The following HAUS8 variants were observed in gnomAD, a reference collection of about 807,000 sequenced individuals.
The protein encoded by HAUS8 is HAUS augmin-like complex subunit 8.
Under a neutral mutation model 42.9 loss-of-function variants are expected in HAUS8, and 38 were observed. The observed-to-expected ratio is 0.89, with a 90% CI of 0.68 to 1.16. The LOEUF (loss-of-function observed/expected upper bound fraction) is 1.16. Ranked by LOEUF, HAUS8 falls within the 50% of genes most tolerant of loss-of-function variation. The pLI is 0.00. For synonymous variants in HAUS8, 199 were observed against 205.8 expected (o/e 0.97, Z 0.28); for missense variants, 494 against 511.6 (o/e 0.97, Z 0.33).
intron 10 of HAUS8, among the ~76,000 whole-genome samples, chr19:17,050,860 G>T (rs539694230): frequency 1.9e-4 from 29 of 152,008 alleles, no homozygotes; most frequent in African/African-American, 6.8e-4. Flanking sequence ...TCGCGCCACT[G>T]GCACTCCAAC....
At chr19:17,054,267 T>C (rs2057306261) in intron 9 of HAUS8, among the ~76,000 whole-genome samples, 1 of 152,044 alleles carries the variant, frequency 6.6e-6, no homozygotes, top group African/African-American at 2.4e-5. Context: ...CTCAACACGA[T>C]CCCTAGGCCG....
Position 17,073,309 on chromosome 19 carries a change from G to C in HAUS8, c.56C>G (p.Ser19Cys). ...AGKPATGPTN[S>C]SSAKKKDKRV... ...TTTATCCTTCTTCTTGGCACTGCTA[G>C]AATTTGTGGGGCCGGTTGCAGGCTT... Residue 19 changes from serine (S) to cysteine (C), a missense_variant, in exon 2 of 11, where the codon TCT (serine) becomes TGT (cysteine). Ser to Cys is a moderately radical substitution (Grantham distance 112). Transcript: ENST00000253669. The C allele has an allele frequency of 6.2e-7, 1 of 1,614,104 alleles. No homozygotes were observed. The highest frequency in any genetic ancestry group is 8.5e-7 in the Non-Finnish European group (1 of 1,179,980).
At chr19:17,052,758 A>G in intron 10 of HAUS8, 67 bp downstream of exon 10, 2 of 1,567,432 alleles carry the variant, frequency 1.3e-6, no homozygotes, top group Non-Finnish European at 1.8e-6. Flanking sequence ...CCACCCCAAC[A>G]GTGCAGCCAC....
intron 2 of HAUS8, among the ~76,000 whole-genome samples, chr19:17,070,800 T>C (rs181228764): frequency 6.6e-6 from 1 of 152,222 alleles, no homozygotes; most frequent in Non-Finnish European, 1.5e-5. Context: ...CCAGGCGTAG[T>C]GGCTCACGCC....
intron 2 of HAUS8, among the ~76,000 whole-genome samples, chr19:17,072,722 C>G (rs932075100): frequency 6.6e-6 from 1 of 151,664 alleles, no homozygotes; most frequent in South Asian, 2.1e-4. Context: ...GATCTTGGCT[C>G]GTGGGGGAGG....
chr19:17,059,424 G>T, intron 6 of HAUS8, 133 bp downstream of exon 6: 2 of 646,306 alleles, frequency 3.1e-6, no homozygotes, highest in Non-Finnish European at 5.5e-6. Flanking sequence ...CTGTAGTCTT[G>T]ATTTTTGTCC....
rs1451480867 is a variant in HAUS8 at position 17,060,036 on chromosome 19, C to A, written c.286G>T (p.Gly96Cys). 3.1e-6 allele frequency: 5 copies of A among 1,613,454 alleles called. No homozygotes were observed. In the African/African-American group the frequency reaches 6.7e-5, roughly 22 times the overall value. Residue 96 changes from glycine to cysteine, a missense_variant, in exon 5 of 11, where the codon GGC (glycine) becomes TGC (cysteine). Transcript: ENST00000253669. ...DLQSTLLEGH[G>C]TAPPDLDLSA... ...AGATCCAGGTCAGGTGGAGCTGTGC[C>A]ATGCCCTTCCAGCAACGTGGACTGC...
chr19:17,052,695 A>G (rs1360725503), intron 10 of HAUS8, 130 bp downstream of exon 10: 2 of 882,798 alleles, frequency 2.3e-6, no homozygotes, highest in Admixed American at 2.2e-5. Context: ...CTGGGAAAAG[A>G]GCAGCTCGCT....
Position 17,059,978 on chromosome 19 carries a change from G to A in HAUS8, c.325+19C>T, listed in dbSNP as rs756314938. ...GCAACCCCCAGTGAGTGACAGAAGGGGTGAAACAAATGATTTACCATTAAT... is the reference window on the plus strand; with the variant it reads ...GCAACCCCCAGTGAGTGACAGAAGGAGTGAAACAAATGATTTACCATTAAT... On this transcript the variant is annotated intron_variant, in intron 5 of 10. Transcript: ENST00000253669. 2.6e-6 allele frequency: 4 copies of A among 1,566,078 alleles called. No individual in the cohort carries two copies. Among genetic ancestry groups the A allele is most frequent in the Non-Finnish European group, 3.5e-6 (4 of 1,136,542 alleles).
upstream of HAUS8, chr19:17,075,533 C>A (rs541640564): frequency 8.5e-7 from 1 of 1,172,330 alleles, no homozygotes; most frequent in Non-Finnish European, 1.2e-6. Context: ...GGCTGCGAGG[C>A]GTGAGGCAGC....
At chr19:17,059,069 G>A (rs962796469) in intron 6 of HAUS8, among the ~76,000 whole-genome samples, 193 bp from the exon 7 acceptor site, 1 of 152,182 alleles carries the variant, frequency 6.6e-6, no homozygotes, top group Non-Finnish European at 1.5e-5. Flanking sequence ...GATGAAAGAG[G>A]GAGGTCCACA....
rs2057378789 is a variant in HAUS8 at position 17,064,833 on chromosome 19, ACAAATGGGGAAAGTGAT to A, written c.148-2071_148-2055del. ...GGATAAGACTCCAAAAGCACAATCC[ACAAATGGGGAAAGTGAT>A]CAAATGGGCTTCATCGAAATCGTCA... is the stretch of plus-strand genomic sequence containing the variant. On this transcript the variant is annotated intron_variant, in intron 3 of 10. Transcript: ENST00000253669. 4.6e-5 allele frequency among the ~76,000 whole-genome samples: 7 copies of A among 152,372 alleles called. No individual in the cohort carries two copies. In the South Asian group the frequency reaches 1.2e-3, roughly 27 times the overall value.
chr19:17,069,556 C>T (rs1229052962), intron 2 of HAUS8, among the ~76,000 whole-genome samples: 1 of 151,536 alleles, frequency 6.6e-6, no homozygotes, highest in Non-Finnish European at 1.5e-5. Context: ...TGCCCTGAGA[C>T]ATGCCCAACA....
intron 3 of HAUS8, among the ~76,000 whole-genome samples, chr19:17,065,971 C>CT (rs2057385081): frequency 9.8e-6 from 1 of 101,930 alleles, no homozygotes; most frequent in African/African-American, 3.7e-5. Context: ...CTCTTATCTT[C>CT]TAAAAAAAAA....
intron 6 of HAUS8, 112 bp downstream of exon 6, chr19:17,059,445 G>A (rs1198422763): frequency 1.4e-6 from 1 of 717,266 alleles, no homozygotes; most frequent in East Asian, 2.5e-5. Flanking sequence ...TAAAGGGCAT[G>A]GGTGTCTTTT....
At chr19:17,052,706 CAG>C (rs1339530429) in intron 10 of HAUS8, 117 bp downstream of exon 10, 19 of 1,023,782 alleles carry the variant, frequency 1.9e-5, no homozygotes, top group Non-Finnish European at 2.5e-5. Context: ...GCAGCTCGCT[CAG>C]GGGACTGAAC....
At position 17,073,537 on chromosome 19, in the gene HAUS8, G is replaced by A. The variant is rs1446124669; in HGVS notation, c.30-202C>T. On this transcript the variant is annotated intron_variant, in intron 1 of 10. Coordinates refer to ENST00000253669, the MANE Select transcript of HAUS8 (RefSeq NM_033417.2). ...TGGTCACCTGGGCAAGAAGGCATAG[G>A]TGAACACCCAAACTGAGAAGAGAGG... 11 of 603,550 alleles carry A rather than the reference G, an allele frequency of 1.8e-5. No homozygotes were observed. The East Asian group carries it at 3.1e-4, about 17-fold the overall frequency. 37.4% of individuals were successfully genotyped at this position (603,550 alleles called of 1,614,324 possible). A position where few individuals can be genotyped will look rare whatever the true frequency, so the allele number is the denominator to read the frequency against.
chr19:17,069,118 A>G (rs2057405789), intron 2 of HAUS8, 32 bp from the exon 3 acceptor site: 1 of 1,598,956 alleles, frequency 6.3e-7, no homozygotes. Context: ...GCACAACAAA[A>G]CTACAAAGGA....
chr19:17,062,174 G>A (rs1458373398), intron 4 of HAUS8, among the ~76,000 whole-genome samples: 6 of 152,202 alleles, frequency 3.9e-5, no homozygotes, highest in Admixed American at 2.6e-4. Context: ...AGGCTGGCAT[G>A]CAATGGAGCA....
Sources: allele counts gnomAD v4.1 joint callset (sites outside exome capture counted in the v4.1 genomes callset), GRCh38; gene constraint gnomAD v4.1.1; transcripts MANE v1.5; gene names NCBI Gene and HGNC (gene_info 2026-07-23, HGNC 2026-07-21).